ATP5MC2: variants seen among roughly 807,000 people sequenced by gnomAD.
ATP5MC2 encodes ATP synthase F(0) complex subunit C2, mitochondrial.
A neutral mutation model predicts 13.5 loss-of-function variants in ATP5MC2; 11 were observed. That is an observed-to-expected ratio of 0.81 (90% CI 0.51 to 1.35). ATP5MC2 has a LOEUF of 1.35. ATP5MC2 is among the 40% of genes most tolerant of loss of function. ATP5MC2 has a pLI of 0.00. For synonymous variants in ATP5MC2, 64 were observed against 69.7 expected (o/e 0.92, Z 0.41); for missense variants, 132 against 175.0 (o/e 0.75, Z 1.39).
chr12:53,679,412 C>G (rs1196758776), upstream of ATP5MC2, among the ~76,000 whole-genome samples: 1 of 152,184 alleles, frequency 6.6e-6, no homozygotes, highest in African/African-American at 2.4e-5. Context: ...GCACATGTTG[C>G]CAGCAAGTGG....
At chr12:53,670,228 G>A (rs1945056937) in intron 2 of ATP5MC2, 3 of 426,638 alleles carry the variant, frequency 7.0e-6, no homozygotes, top group South Asian at 2.0e-5. Flanking sequence ...TCCTTTTATA[G>A]CTCTTGAGAA....
At chr12:53,666,537 C>T (rs1944918744) in intron 4 of ATP5MC2, among the ~76,000 whole-genome samples, 1 of 146,346 alleles carries the variant, frequency 6.8e-6, no homozygotes, top group Admixed American at 6.9e-5. Flanking sequence ...AGACCGCAGC[C>T]ACTGTACTCC....
upstream of ATP5MC2, chr12:53,676,184 C>T: frequency 6.2e-7 from 1 of 1,613,512 alleles, no homozygotes; most frequent in South Asian, 1.1e-5. Flanking sequence ...ACAGGATCAG[C>T]TCAGGCATCA....
chr12:53,668,395 C>T (rs953866221), intron 4 of ATP5MC2, among the ~76,000 whole-genome samples: 2 of 151,870 alleles, frequency 1.3e-5, no homozygotes, highest in Non-Finnish European at 2.9e-5. Flanking sequence ...CCTCCACCTC[C>T]CGGGTTCAAG....
upstream of ATP5MC2, among the ~76,000 whole-genome samples, chr12:53,680,174 T>C (rs1945333465): frequency 6.6e-6 from 1 of 151,982 alleles, no homozygotes; most frequent in African/African-American, 2.4e-5. Context: ...CCTGTAAGGA[T>C]AGGGTTTCAC....
chr12:53,672,676 T>C, intron 1 of ATP5MC2, 31 bp from the exon 2 acceptor site: 1 of 1,550,190 alleles, frequency 6.5e-7, no homozygotes, highest in Non-Finnish European at 8.7e-7. Context: ...TTGTAAACGC[T>C]CCTTATTCAC....
At chr12:53,679,244 A>T (rs1177600318), upstream of ATP5MC2, among the ~76,000 whole-genome samples, 2 of 83,116 alleles carry the variant, frequency 2.4e-5, no homozygotes, top group East Asian at 3.7e-4. Flanking sequence ...AAAACGAGAG[A>T]GAGAGAGAGA....
chr12:53,669,087 A>T (rs1945016665), intron 4 of ATP5MC2, 61 bp downstream of exon 4: 1 of 1,538,288 alleles, frequency 6.5e-7, no homozygotes, highest in Non-Finnish European at 8.7e-7. Context: ...TAGACCCCCA[A>T]ATATTTTCTG....
At chr12:53,672,667 T>G in intron 1 of ATP5MC2, 22 bp from the exon 2 acceptor site, 1 of 1,559,140 alleles carries the variant, frequency 6.4e-7, no homozygotes, top group Non-Finnish European at 8.7e-7. Context: ...GAAGCAGTAT[T>G]GTAAACGCTC....
upstream of ATP5MC2, among the ~76,000 whole-genome samples, chr12:53,680,459 A>AT (rs1241384398): frequency 6.6e-6 from 1 of 152,242 alleles, no homozygotes; most frequent in Non-Finnish European, 1.5e-5. Context: ...CTATATGAGT[A>AT]ATAGGAGTTG....
At chr12:53,678,676 G>GGGT (rs892000204), upstream of ATP5MC2, among the ~76,000 whole-genome samples, 1 of 152,170 alleles carries the variant, frequency 6.6e-6, no homozygotes, top group Admixed American at 6.5e-5. Context: ...GTAAGGGGAG[G>GGGT]GGTGAATTTG....
chr12:53,675,418 A>C (rs1039522512), intron 1 of ATP5MC2, among the ~76,000 whole-genome samples: 1 of 152,180 alleles, frequency 6.6e-6, no homozygotes, highest in Admixed American at 6.5e-5. Context: ...GGATGCGAGA[A>C]AGGTACTGGT....
chr12:53,665,688 C>T (rs1306154751), intron 4 of ATP5MC2, among the ~76,000 whole-genome samples: 1 of 152,126 alleles, frequency 6.6e-6, no homozygotes, highest in Non-Finnish European at 1.5e-5. Context: ...ATGGTTCACC[C>T]ATCTCATTAC....
Position 53,665,360 on chromosome 12 carries a change from C to A in ATP5MC2, c.380G>T (p.Gly127Val). 6.2e-7 allele frequency: 1 copy of A among 1,613,802 alleles called. No homozygotes were observed. Among genetic ancestry groups the A allele is most frequent in the Non-Finnish European group, 8.5e-7 (1 of 1,179,982 alleles). The change falls in exon 5 of 5, where the codon GGG becomes GTG. Residue 127 changes from glycine to valine, a missense_variant. By Grantham distance (109) the Gly-to-Val change is moderately radical. Transcript: ENST00000394349. ...AAAGGCTACCATCAGACAAAAGAGCCCCATGGCCTCCGAGAGGGCAAAGCC... is the reference window on the plus strand; with the variant it reads ...AAAGGCTACCATCAGACAAAAGAGCACCATGGCCTCCGAGAGGGCAAAGCC... ...ILGFALSEAM[G>V]LFCLMVAFLI...
At chr12:53,667,496 C>T (rs569630428) in intron 4 of ATP5MC2, among the ~76,000 whole-genome samples, 12 of 148,522 alleles carry the variant, frequency 8.1e-5, no homozygotes, top group South Asian at 2.2e-4. Flanking sequence ...TTTAAAAATG[C>T]GAAACTATTT....
At chr12:53,670,692 G>A (rs560775211) in intron 2 of ATP5MC2, among the ~76,000 whole-genome samples, 10 of 150,700 alleles carry the variant, frequency 6.6e-5, no homozygotes, top group Non-Finnish European at 1.0e-4. Context: ...ATCTCGGCTC[G>A]GCTCACTACA....
chr12:53,679,250 A>AGAGAGAGG (rs1945327451), upstream of ATP5MC2, among the ~76,000 whole-genome samples: 1 of 149,964 alleles, frequency 6.7e-6, no homozygotes, highest in African/African-American at 2.5e-5. Context: ...AGAGAGAGAG[A>AGAGAGAGG]GAGAGAGAGA....
upstream of ATP5MC2, chr12:53,676,110 G>A (rs750238804): frequency 2.5e-6 from 4 of 1,614,172 alleles, no homozygotes; most frequent in Non-Finnish European, 3.4e-6. Context: ...GCGAAAGGAA[G>A]GCTCAGCGCA....
At chr12:53,669,972 C>CA (rs779019321) in intron 2 of ATP5MC2, 24 bp from the exon 3 acceptor site, 33 of 1,611,994 alleles carry the variant, frequency 2.0e-5, no homozygotes, top group South Asian at 1.1e-4. Context: ...CATACAGGGG[C>CA]AGGAAGGTCA....
Sources: allele counts gnomAD v4.1 joint callset (sites outside exome capture counted in the v4.1 genomes callset), GRCh38; gene constraint gnomAD v4.1.1; transcripts MANE v1.5; gene names NCBI Gene and HGNC (gene_info 2026-07-23, HGNC 2026-07-21).